Variants in SPOCK1 observed in about 807,000 individuals in gnomAD.
SPOCK1 encodes the protein testican-1.
In SPOCK1, 23 loss-of-function variants were observed where a neutral mutation model predicts 55.3. The ratio of observed to expected loss-of-function variants is 0.42; its 90% CI spans 0.30 to 0.59. SPOCK1 has a LOEUF of 0.59. SPOCK1 is among the 20% of genes least tolerant of loss of function. The pLI, the probability that SPOCK1 is intolerant of heterozygous loss-of-function variation, is 0.22. For missense variants in SPOCK1, 499 were observed against 552.5 expected (o/e 0.90, Z 0.97); for synonymous variants, 226 against 221.0 (o/e 1.02, Z -0.20).
chr5:137,328,653 T>C (rs1338745006), intron 2 of SPOCK1, among the ~76,000 whole-genome samples: 1 of 152,206 alleles, frequency 6.6e-6, no homozygotes, highest in Non-Finnish European at 1.5e-5. Flanking sequence ...ATGAATTATT[T>C]AATTTTCTCC....
At chr5:137,311,419 T>C (rs890462290) in intron 2 of SPOCK1, among the ~76,000 whole-genome samples, 1 of 152,222 alleles carries the variant, frequency 6.6e-6, no homozygotes, top group African/African-American at 2.4e-5. Flanking sequence ...TATTAAAACA[T>C]ACCACTGTCT....
At chr5:137,081,238 G>A (rs538023968) in intron 5 of SPOCK1, among the ~76,000 whole-genome samples, 20 of 152,310 alleles carry the variant, frequency 1.3e-4, no homozygotes, top group Admixed American at 5.2e-4. Context: ...TAGACTCTCT[G>A]CATAAAAACA....
intron 4 of SPOCK1, among the ~76,000 whole-genome samples, chr5:137,127,723 T>C (rs908725849): frequency 3.9e-5 from 6 of 152,262 alleles, no homozygotes; most frequent in Non-Finnish European, 8.8e-5. Flanking sequence ...CCTATACCTA[T>C]CCCACAATTA....
intron 6 of SPOCK1, among the ~76,000 whole-genome samples, chr5:137,045,246 T>A (rs1214929540): frequency 2.7e-4 from 34 of 127,418 alleles, no homozygotes; most frequent in Admixed American, 1.2e-3. Context: ...TTGAACTAGT[T>A]TACAGTCCCA....
chr5:137,355,027 T>C (rs1750761264), intron 2 of SPOCK1, among the ~76,000 whole-genome samples: 1 of 150,790 alleles, frequency 6.6e-6, no homozygotes, highest in Non-Finnish European at 1.5e-5. Flanking sequence ...CTCAGCCTCC[T>C]GAGTAGACGG....
intron 9 of SPOCK1, among the ~76,000 whole-genome samples, chr5:136,983,619 C>CAAAAAAAAAAAAAAAAAAAAA (rs11364379): frequency 7.4e-6 from 1 of 135,342 alleles, no homozygotes; most frequent in Non-Finnish European, 1.6e-5. Flanking sequence ...CTCCTTGGAC[C>CAAAAAAAAAAAAAAAAAAAAA]AAAAAAAAAA....
intron 9 of SPOCK1, among the ~76,000 whole-genome samples, chr5:136,984,208 A>ATAAC (rs1287990479): frequency 6.6e-6 from 1 of 152,198 alleles, no homozygotes; most frequent in African/African-American, 2.4e-5. Flanking sequence ...GCATTTTGAA[A>ATAAC]TAACTCAAAA....
chr5:137,113,080 T>C (rs1383212438), intron 4 of SPOCK1, among the ~76,000 whole-genome samples: 7 of 152,196 alleles, frequency 4.6e-5, no homozygotes, highest in Non-Finnish European at 8.8e-5. Flanking sequence ...TCTGGATATA[T>C]TTTAAAGTAA....
At chr5:137,312,417 A>G (rs1370613900) in intron 2 of SPOCK1, among the ~76,000 whole-genome samples, 1 of 152,204 alleles carries the variant, frequency 6.6e-6, no homozygotes, top group Non-Finnish European at 1.5e-5. Flanking sequence ...TGGAGAATAA[A>G]GCAAAAAATT....
intron 2 of SPOCK1, among the ~76,000 whole-genome samples, chr5:137,462,905 A>T (rs1753519241): frequency 6.6e-6 from 1 of 152,208 alleles, no homozygotes; most frequent in South Asian, 2.1e-4. Context: ...TGAGAACAGC[A>T]AGTTCATTCT....
intron 3 of SPOCK1, among the ~76,000 whole-genome samples, chr5:137,196,283 C>A (rs1419553264): frequency 6.6e-6 from 1 of 152,158 alleles, no homozygotes; most frequent in East Asian, 1.9e-4. Context: ...CCAAACCATT[C>A]CCCACATGGC....
At chr5:137,161,764 A>T (rs1172999116) in intron 3 of SPOCK1, among the ~76,000 whole-genome samples, 3 of 152,204 alleles carry the variant, frequency 2.0e-5, no homozygotes, top group Admixed American at 1.3e-4. Context: ...TTAAAAAAAA[A>T]TCCAGGATTT....
chr5:137,069,426 C>T (rs952471698), intron 5 of SPOCK1, among the ~76,000 whole-genome samples: 2 of 152,176 alleles, frequency 1.3e-5, no homozygotes, highest in African/African-American at 4.8e-5. Flanking sequence ...CCATTGCCCA[C>T]GTCTCACACA....
chr5:137,275,928 A>G (rs903911770), intron 2 of SPOCK1, among the ~76,000 whole-genome samples: 2 of 151,862 alleles, frequency 1.3e-5, no homozygotes, highest in African/African-American at 4.8e-5. Context: ...GGCCTCCACA[A>G]TTTCTCCTCA....
chr5:137,489,251 A>T (rs1231534486), intron 2 of SPOCK1, among the ~76,000 whole-genome samples: 1 of 152,196 alleles, frequency 6.6e-6, no homozygotes, highest in Non-Finnish European at 1.5e-5. Flanking sequence ...GATCCCTTAG[A>T]TGAATGTCTT....
chr5:137,489,789 C>A (rs1475880643), intron 2 of SPOCK1, among the ~76,000 whole-genome samples: 1 of 152,242 alleles, frequency 6.6e-6, no homozygotes, highest in Non-Finnish European at 1.5e-5. Flanking sequence ...ACATCAAGGT[C>A]TTTCCCACTT....
chr5:137,056,975 G>GCTA (rs930912418), intron 6 of SPOCK1, among the ~76,000 whole-genome samples: 1 of 152,090 alleles, frequency 6.6e-6, no homozygotes, highest in African/African-American at 2.4e-5. Context: ...AGGAAGACCT[G>GCTA]CTACTACATC....
intron 2 of SPOCK1, among the ~76,000 whole-genome samples, chr5:137,349,682 A>G (rs1235867325): frequency 3.9e-5 from 6 of 152,132 alleles, no homozygotes; most frequent in African/African-American, 1.4e-4. Flanking sequence ...TGGTTTGCTC[A>G]TCTTTGGCAT....
intron 2 of SPOCK1, among the ~76,000 whole-genome samples, chr5:137,371,603 G>T (rs183695921): frequency 6.6e-6 from 1 of 152,218 alleles, no homozygotes; most frequent in East Asian, 1.9e-4. Flanking sequence ...AGGGGATGAG[G>T]ATTACTTATA....
Sources: gnomAD v4.1 joint callset for allele counts (sites outside exome capture counted in the v4.1 genomes callset) on GRCh38, gnomAD v4.1.1 for gene constraint, MANE v1.5 for transcripts, NCBI Gene and HGNC (gene_info 2026-07-23, HGNC 2026-07-21) for gene names.